Variants in VPS8 observed in about 807,000 individuals in gnomAD.
The protein encoded by VPS8 is VPS8 subunit of CORVET complex, also known as vacuolar protein sorting-associated protein 8 homolog.
A neutral mutation model predicts 216.4 loss-of-function variants in VPS8; 129 were observed. The ratio of observed to expected loss-of-function variants is 0.60; its 90% CI spans 0.52 to 0.69. VPS8 has a LOEUF of 0.69. Ranked by LOEUF, VPS8 falls within the 30% of genes least tolerant of loss-of-function variation. The probability of loss-of-function intolerance (pLI) is 0.00; values close to 1 mark genes in which losing one functional copy is unlikely to be tolerated. For missense variants in VPS8, 1,531 were observed against 1,683.5 expected, an observed-to-expected ratio of 0.91 and a Z score of 1.59; for synonymous variants, 571 against 565.4, an observed-to-expected ratio of 1.01 and a Z score of -0.14.
chr3:184,877,003 A>G (rs1444127817), intron 21 of VPS8, among the ~76,000 whole-genome samples: 3 of 152,174 alleles, frequency 2.0e-5, no homozygotes, highest in African/African-American at 7.2e-5. Flanking sequence ...AAGGCTCTGC[A>G]TGGTCTACGC....
chr3:185,021,047 G>A (rs1756580289), intron 45 of VPS8, among the ~76,000 whole-genome samples: 1 of 152,112 alleles, frequency 6.6e-6, no homozygotes, highest in African/African-American at 2.4e-5. Flanking sequence ...ACTCCAGCTG[G>A]GGCAACCAGA....
intron 36 of VPS8, among the ~76,000 whole-genome samples, chr3:184,946,600 A>G (rs1743722684): frequency 6.6e-6 from 1 of 152,124 alleles, no homozygotes; most frequent in Non-Finnish European, 1.5e-5. Flanking sequence ...CTGGTATACA[A>G]GGCCCTTCTT....
At chr3:184,962,209 T>C (rs988495390) in intron 37 of VPS8, among the ~76,000 whole-genome samples, 4 of 152,246 alleles carry the variant, frequency 2.6e-5, no homozygotes, top group African/African-American at 7.2e-5. Context: ...TTTGCTGTTA[T>C]AAACAGTGTT....
intron 25 of VPS8, among the ~76,000 whole-genome samples, chr3:184,904,212 C>A (rs750268413): frequency 6.6e-6 from 1 of 152,056 alleles, no homozygotes; most frequent in Non-Finnish European, 1.5e-5. Flanking sequence ...AATATAGATG[C>A]CTTTCTTTTT....
chr3:185,040,744 G>A (rs1406700582), intron 46 of VPS8, among the ~76,000 whole-genome samples: 12 of 152,064 alleles, frequency 7.9e-5, no homozygotes, highest in African/African-American at 2.7e-4. Flanking sequence ...TCAAACTCCC[G>A]ATTCTGTTCA....
At chr3:184,848,993 C>CT (rs1723726147) in intron 8 of VPS8, 78 bp from the exon 9 acceptor site, 24 of 1,513,988 alleles carry the variant, frequency 1.6e-5, no homozygotes, top group Middle Eastern at 3.4e-4. Flanking sequence ...CCTCCCAAGT[C>CT]TTTGAAAGCA....
intron 28 of VPS8, among the ~76,000 whole-genome samples, chr3:184,919,364 C>G (rs1434894514): frequency 6.6e-6 from 1 of 152,160 alleles, no homozygotes; most frequent in African/African-American, 2.4e-5. Flanking sequence ...ATCTTTAAGT[C>G]TTTCATCATT....
At chr3:184,938,611 A>G (rs1742059816) in intron 35 of VPS8, among the ~76,000 whole-genome samples, 1 of 150,110 alleles carries the variant, frequency 6.7e-6, no homozygotes. Context: ...AAGATTTAAA[A>G]TGATCACTTG....
intron 36 of VPS8, among the ~76,000 whole-genome samples, chr3:184,948,948 A>G (rs1303645647): frequency 6.6e-6 from 1 of 152,130 alleles, no homozygotes; most frequent in South Asian, 2.1e-4. Context: ...TTTCCTTCCT[A>G]CGTAGGAGAA....
At chr3:184,824,118 A>C (rs545403814) in intron 1 of VPS8, 1 of 153,626 alleles carries the variant, frequency 6.5e-6, no homozygotes, top group Admixed American at 6.4e-5. Flanking sequence ...GAGGCCAACA[A>C]CAAAACTGGT....
chr3:184,846,300 A>T (rs560083590), intron 8 of VPS8, among the ~76,000 whole-genome samples: 1 of 152,362 alleles, frequency 6.6e-6, no homozygotes, highest in East Asian at 1.9e-4. Context: ...AATGGCTAAG[A>T]TTGATAATTT....
chr3:184,981,384 G>T (rs965741291), intron 40 of VPS8, among the ~76,000 whole-genome samples: 1 of 151,786 alleles, frequency 6.6e-6, no homozygotes, highest in Non-Finnish European at 1.5e-5. Context: ...CACCAGCAGA[G>T]GTGGGGTGGC....
chr3:184,998,772 A>G (rs141230168), intron 44 of VPS8, among the ~76,000 whole-genome samples: 2 of 152,186 alleles, frequency 1.3e-5, no homozygotes, highest in South Asian at 2.1e-4. Context: ...TACTACAGCA[A>G]TGACATTTTT....
At chr3:184,981,711 C>G (rs183061257) in intron 40 of VPS8, among the ~76,000 whole-genome samples, 1 of 152,144 alleles carries the variant, frequency 6.6e-6, no homozygotes, top group African/African-American at 2.4e-5. Context: ...GCTGGGATTA[C>G]AGGCGTGAGC....
Position 184,893,380 on chromosome 3 carries a change from A to G in VPS8, c.1782-1323A>G, listed in dbSNP as rs74545126. The G allele has an allele frequency of 2.9e-5, 34 of 1,168,972 alleles. No homozygotes were observed. The East Asian group carries it at 2.0e-3, about 68-fold the overall frequency. The allele number at this position is 1,168,972 out of a possible 1,614,324, so 72.4% of individuals were successfully genotyped here. On this transcript the variant is annotated intron_variant, in intron 22 of 47. Coordinates refer to ENST00000625842, the MANE Select transcript of VPS8 (RefSeq NM_001009921.3). ...GACATGATATACATATAAAGAAATT[A>G]CACATTTAGGAAAAAGTAAATAATC...
At chr3:185,004,493 T>C (rs925068614) in intron 45 of VPS8, among the ~76,000 whole-genome samples, 2 of 149,082 alleles carry the variant, frequency 1.3e-5, no homozygotes, top group African/African-American at 2.5e-5. Flanking sequence ...AGGGAGACCG[T>C]GGGGAGAGGG....
Position 184,964,574 on chromosome 3 carries a change from T to C in VPS8, c.3273+17T>C, listed in dbSNP as rs1747072201. ...ATGTTAGAGGTAACACTTTACTATG[T>C]TTCTTTCATCATATTTCTGTCTATT... is the stretch of plus-strand genomic sequence containing the variant. On this transcript the variant is annotated intron_variant, in intron 38 of 47. Coordinates refer to ENST00000625842, the MANE Select transcript of VPS8 (RefSeq NM_001009921.3). 3 of 1,414,518 alleles carry C rather than the reference T, an allele frequency of 2.1e-6. No individual in the cohort carries two copies. Among genetic ancestry groups the C allele is most frequent in the Non-Finnish European group, 9.5e-7 (1 of 1,053,718 alleles). 87.6% of individuals were successfully genotyped at this position (1,414,518 alleles called of 1,614,324 possible). A position where few individuals can be genotyped will look rare whatever the true frequency, so the allele number is the denominator to read the frequency against.
intron 45 of VPS8, among the ~76,000 whole-genome samples, chr3:185,013,292 C>A (rs1382401726): frequency 6.6e-6 from 1 of 152,180 alleles, no homozygotes; most frequent in Non-Finnish European, 1.5e-5. Context: ...CCCAACATGT[C>A]CTCCTTCTTT....
At chr3:184,996,718 C>T (rs766018149) in intron 44 of VPS8, among the ~76,000 whole-genome samples, 2 of 152,126 alleles carry the variant, frequency 1.3e-5, no homozygotes, top group Non-Finnish European at 2.9e-5. Context: ...AAAAATAAAA[C>T]ACAGGACAAA....
Sources: gnomAD v4.1 joint callset for allele counts (sites outside exome capture counted in the v4.1 genomes callset) on GRCh38, gnomAD v4.1.1 for gene constraint, MANE v1.5 for transcripts, NCBI Gene and HGNC (gene_info 2026-07-23, HGNC 2026-07-21) for gene names.